Variants in LRRC23 observed in about 807,000 individuals in gnomAD.
LRRC23 encodes leucine rich repeat containing 23.
A neutral mutation model predicts 37.7 loss-of-function variants in LRRC23; 28 were observed. The ratio of observed to expected loss-of-function variants is 0.74; its 90% CI spans 0.55 to 1.02. LRRC23 has a LOEUF of 1.02. LRRC23 is among the 50% of genes least tolerant of loss of function. LRRC23 has a pLI of 0.00. For missense variants in LRRC23, 377 were observed against 413.2 expected, an observed-to-expected ratio of 0.91 and a Z score of 0.76; for synonymous variants, 161 against 165.4, an observed-to-expected ratio of 0.97 and a Z score of 0.20.
intron 4 of LRRC23, 25 bp from the exon 5 acceptor site, chr12:6,907,290 G>T: frequency 6.2e-7 from 1 of 1,612,296 alleles, no homozygotes; most frequent in South Asian, 1.1e-5. Flanking sequence ...GTGGCCCTTT[G>T]AGCTCTTGAA....
Position 6,910,042 on chromosome 12 carries a change from A to G in LRRC23, c.758+16A>G. 6.3e-7 allele frequency: 1 copy of G among 1,597,576 alleles called. No individual in the cohort carries two copies. The highest frequency in any genetic ancestry group is 8.5e-7 in the Non-Finnish European group (1 of 1,171,856). On this transcript the variant is annotated intron_variant, in intron 6 of 7. Coordinates refer to ENST00000443597, the MANE Select transcript of LRRC23 (RefSeq NM_001135217.2). ...TCAACCTGAGGTATGCACCCTCTCC[A>G]AGCCCCACCTTGCCCCTACCCCTGA...
intron 5 of LRRC23, 165 bp downstream of exon 5, chr12:6,907,610 C>T: frequency 1.4e-6 from 1 of 723,534 alleles, no homozygotes; most frequent in Non-Finnish European, 2.5e-6. Context: ...TACACAGCCA[C>T]CTAGCAGGGC....
rs76998953 is a variant in LRRC23, at chr12:6,905,183, A to G, written c.-50+108A>G. 1,003 of 165,392 alleles carry G rather than the reference A, an allele frequency of 6.1e-3. 12 individuals carry two copies. The highest frequency in any genetic ancestry group is 0.023 in the African/African-American group (968 of 41,662). The allele number at this position is 165,392 out of a possible 1,614,324, so 10.2% of individuals were successfully genotyped here. On this transcript the variant is annotated intron_variant, in intron 1 of 7. Transcript: ENST00000443597. ...ATTGGCCCAGTGGGGAGGGAAAAGT[A>G]GAAGAAATGAATGGAGCAGGGATTA...
In LRRC23 at chr12:6,909,941, A is replaced by G. The variant is rs782662668; in HGVS notation, c.673A>G (p.Thr225Ala). ...AGGCTTGGAGGATCTGAGCAATCTC[A>G]CCACCTTGCATCTTCGAGACAACCA... ...VEGLEDLSNL[T>A]TLHLRDNQID... The change falls in exon 6 of 8, where the codon ACC (threonine) becomes GCC (alanine). Residue 225 changes from threonine (T) to alanine (A), a missense_variant. Physicochemically the swap from Thr to Ala is moderately conservative, Grantham distance 58 (BLOSUM62 0). Around this residue, in one of 3 missense-constraint regions of LRRC23, gnomAD observed 266 missense variants for 285.6 expected, o/e 0.93. Transcript: ENST00000443597. The G allele has an allele frequency of 1.9e-6, 3 of 1,613,632 alleles. No individual in the cohort carries two copies. Among genetic ancestry groups the G allele is most frequent in the South Asian group, 1.1e-5 (1 of 91,060 alleles).
rs1944923006 is a variant in LRRC23, at chr12:6,905,659, ACT to A, written c.29_30del (p.Ser10Ter). 1 of 1,613,744 alleles carries A rather than the reference ACT, an allele frequency of 6.2e-7. No individual in the cohort carries two copies. The highest frequency in any genetic ancestry group is 8.5e-7 in the Non-Finnish European group (1 of 1,179,916). ...ATGTCAGATGAAGATGATCTAGAAG[ACT>A]CTGAGCCAGACCAGGATGATTCTGA... On this transcript the variant is annotated frameshift_variant, in exon 2 of 8. Transcript: ENST00000443597. LOFTEE classifies it high-confidence loss of function.
At chr12:6,907,812 A>C in intron 5 of LRRC23, 1 of 437,326 alleles carries the variant, frequency 2.3e-6, no homozygotes, top group Non-Finnish European at 4.2e-6. Flanking sequence ...TCCGGGACCA[A>C]AGGTGTGGGG....
chr12:6,908,372 G>A (rs1490619023), intron 5 of LRRC23, among the ~76,000 whole-genome samples: 3 of 152,004 alleles, frequency 2.0e-5, no homozygotes, highest in East Asian at 1.9e-4. Context: ...TGAGGCGGGC[G>A]GATCACCTGA....
At position 6,913,551 on chromosome 12, in the gene LRRC23, GTTTGTTT is replaced by G. The variant is rs1425873825; in HGVS notation, c.*25-336_*25-330del. Among the ~76,000 whole-genome samples, 381 of 78,138 alleles carry G rather than the reference GTTTGTTT, an allele frequency of 4.9e-3. 56 individuals carry two copies. Among genetic ancestry groups the G allele is most frequent in the African/African-American group, 0.016 (305 of 19,520 alleles). 51.3% of individuals were successfully genotyped at this position (78,138 alleles called of 152,430 possible). A position where few individuals can be genotyped will look rare whatever the true frequency, so the allele number is the denominator to read the frequency against. ...TAGGGGAGAGGCTTTATTTACCTCT[GTTTGTTT>G]TTTTTTTTTTTTTTTTTTTTTTTTT... On this transcript the variant is annotated intron_variant, in intron 7 of 7. Transcript: ENST00000443597.
chr12:6,914,031 C>T lies in LRRC23; in HGVS notation c.*165C>T, dbSNP rs782536347. 4 of 1,610,962 alleles carry T rather than the reference C, an allele frequency of 2.5e-6. No homozygotes were observed. Among genetic ancestry groups the T allele is most frequent in the Middle Eastern group, 3.3e-4 (2 of 5,986 alleles). On this transcript the variant is annotated 3_prime_UTR_variant, in exon 8 of 8. Transcript: ENST00000443597. This position sits in a 1 kb window ranked among gnomAD's most constrained non-coding sequence, Gnocchi z 7.1. ...CTGAGGCCCAGGATCTGCTCTGTGCCGGTCCTCTGGGCAGTGTGGGGTGCA... is the reference window on the plus strand; with the variant it reads ...CTGAGGCCCAGGATCTGCTCTGTGCTGGTCCTCTGGGCAGTGTGGGGTGCA...
Position 6,910,019 on chromosome 12 carries a change from A to T in LRRC23, c.751A>T (p.Asn251Tyr). ...AGAAATGAAATCATTGCAGTACCTC[A>T]ACCTGAGGTATGCACCCTCTCCAAG... Reference protein sequence around the residue: ...SREMKSLQYLNLRGNMVANLG... With the variant: ...SREMKSLQYLYLRGNMVANLG... The change falls in exon 6 of 8, where the codon AAC (asparagine) becomes TAC (tyrosine). Residue 251 changes from asparagine (N) to tyrosine (Y), a missense_variant. Physicochemically the swap from Asn to Tyr is moderately radical, Grantham distance 143 (BLOSUM62 -2). Transcript: ENST00000443597. 1 of 1,610,434 alleles carries T rather than the reference A, an allele frequency of 6.2e-7. No individual in the cohort carries two copies. Among genetic ancestry groups the T allele is most frequent in the Non-Finnish European group, 8.5e-7 (1 of 1,178,314 alleles).
chr12:6,906,828 G>A, intron 4 of LRRC23, 166 bp downstream of exon 4: 1 of 754,330 alleles, frequency 1.3e-6, no homozygotes, highest in South Asian at 1.8e-5. Context: ...AACCATATAG[G>A]ATCCAATAAG....
intron 6 of LRRC23, among the ~76,000 whole-genome samples, chr12:6,911,325 G>C (rs76946898): frequency 6.6e-6 from 1 of 152,262 alleles, no homozygotes; most frequent in Non-Finnish European, 1.5e-5. Context: ...GGGAGAGGTG[G>C]TTGCATCTGG....
At chr12:6,906,226 C>G (rs1555139546) in intron 3 of LRRC23, among the ~76,000 whole-genome samples, 183 bp from the exon 4 acceptor site, 1 of 152,096 alleles carries the variant, frequency 6.6e-6, no homozygotes, top group East Asian at 1.9e-4. Flanking sequence ...AGACACAGGT[C>G]TCTCTGCCCA....
intron 6 of LRRC23, 27 bp from the exon 7 acceptor site, chr12:6,912,703 A>C (rs782314173): frequency 1.2e-6 from 2 of 1,607,126 alleles, no homozygotes; most frequent in Admixed American, 3.3e-5. Flanking sequence ...TTATTCCTGC[A>C]TGAACCCCTC....
At position 6,913,551 on chromosome 12, in the gene LRRC23, GTTTGTTTTTTTTTT is replaced by G. The variant is rs1271181905; in HGVS notation, c.*25-336_*25-323del. Among the ~76,000 whole-genome samples, 66 of 78,174 alleles carry G rather than the reference GTTTGTTTTTTTTTT, an allele frequency of 8.4e-4. 3 individuals carry two copies. The highest frequency in any genetic ancestry group is 7.5e-3 in the East Asian group (14 of 1,864). The allele number at this position is 78,174 out of a possible 152,430, so 51.3% of individuals were successfully genotyped here. On this transcript the variant is annotated intron_variant, in intron 7 of 7. Transcript: ENST00000443597. ...TAGGGGAGAGGCTTTATTTACCTCT[GTTTGTTTTTTTTTT>G]TTTTTTTTTTTTTTTTTTGCGAGGT... is the stretch of plus-strand genomic sequence containing the variant.
chr12:6,912,776 C>T lies in LRRC23; in HGVS notation c.805C>T (p.Leu269=), dbSNP rs1162144014. The T allele has an allele frequency of 1.1e-5, 18 of 1,614,066 alleles. No homozygotes were observed. The highest frequency in any genetic ancestry group is 1.5e-5 in the Non-Finnish European group (18 of 1,180,036). ...GGGGGAGCTGGCCAAGCTTCGAGAC[C>T]TGCCCAAGCTGCGAGCGTTGGTGCT... is the stretch of plus-strand genomic sequence containing the variant. The part of the protein sequence containing the change: ...NLGELAKLRD[L]PKLRALVLLD... The change falls in exon 7 of 8, where the codon CTG becomes TTG. Residue 269 remains leucine (L), a synonymous_variant. Coordinates refer to ENST00000443597, the MANE Select transcript of LRRC23 (RefSeq NM_001135217.2).
At position 6,905,858 on chromosome 12, in the gene LRRC23, C is replaced by G. The variant is rs1332333455; in HGVS notation, c.140C>G (p.Pro47Arg). The stretch of plus-strand genomic sequence containing the variant: ...TTCTACCTGCAGTGGCTGCCCACCC[C>G]CCTCACGGAGGACATGATGAAGGAA... Reference protein sequence around the residue: ...EEFPEEWLPTPLTEDMMKEGL... With the variant: ...EEFPEEWLPTRLTEDMMKEGL... The change falls in exon 3 of 8, where the codon CCC becomes CGC. Residue 47 changes from proline (P) to arginine (R), a missense_variant. By Grantham distance (103) the Pro-to-Arg change is moderately radical. This residue lies in a region of LRRC23 where 106 missense variants were observed against 105.9 expected (regional missense o/e 1.00). Coordinates refer to ENST00000443597, the MANE Select transcript of LRRC23 (RefSeq NM_001135217.2). 1.9e-6 allele frequency: 3 copies of G among 1,613,806 alleles called. No individual in the cohort carries two copies. Among genetic ancestry groups the G allele is most frequent in the South Asian group, 2.2e-5 (2 of 91,072 alleles).
intron 5 of LRRC23, among the ~76,000 whole-genome samples, chr12:6,908,286 G>C (rs534873535): frequency 3.3e-5 from 5 of 151,916 alleles, no homozygotes; most frequent in Non-Finnish European, 7.4e-5. Context: ...GGAGGCTGTC[G>C]CTGGGGAGGG....
chr12:6,913,798 C>T, intron 7 of LRRC23, 93 bp from the exon 8 acceptor site: 2 of 916,014 alleles, frequency 2.2e-6, no homozygotes, highest in South Asian at 1.9e-5. Flanking sequence ...CTCCTGACCT[C>T]GTGATCTGCC....
Sources: gnomAD v4.1 joint callset for allele counts (sites outside exome capture counted in the v4.1 genomes callset) on GRCh38, gnomAD v4.1.1 for gene constraint, gnomAD v4.1.1 regional missense constraint, Gnocchi (gnomAD v3.1) non-coding constraint, MANE v1.5 for transcripts, NCBI Gene and HGNC (gene_info 2026-07-23, HGNC 2026-07-21) for gene names.